Variants in MED12L observed in about 807,000 individuals in gnomAD.
MED12L encodes the protein mediator of RNA polymerase II transcription subunit 12-like protein.
MED12L carries 60 observed loss-of-function variants against 281.3 expected under a neutral mutation model. The ratio of observed to expected loss-of-function variants is 0.21; its 90% CI spans 0.17 to 0.26. The LOEUF is 0.26. Ranked by LOEUF, MED12L falls within the 10% of genes least tolerant of loss-of-function variation. The pLI, the probability that MED12L is intolerant of heterozygous loss-of-function variation, is 1.00. For missense variants in MED12L, 2,146 were observed against 2,680.9 expected (o/e 0.80, Z 4.41); for synonymous variants, 974 against 987.2 (o/e 0.99, Z 0.25).
intron 27 of MED12L, among the ~76,000 whole-genome samples, chr3:151,374,958 A>T (rs1756649500): frequency 6.6e-6 from 1 of 152,202 alleles, no homozygotes; most frequent in Non-Finnish European, 1.5e-5. Flanking sequence ...CATACCTTAT[A>T]TATTATTTTG....
At chr3:151,128,862 G>T (rs774705340) in intron 5 of MED12L, among the ~76,000 whole-genome samples, 13 of 152,172 alleles carry the variant, frequency 8.5e-5, no homozygotes, top group Non-Finnish European at 1.8e-4. Flanking sequence ...GGCCCATAAG[G>T]GCAGGAATGT....
intron 19 of MED12L, among the ~76,000 whole-genome samples, chr3:151,356,338 G>GTTGTATGAT (rs1290707950): frequency 3.3e-5 from 5 of 152,030 alleles, no homozygotes; most frequent in Non-Finnish European, 7.4e-5. Flanking sequence ...GATGCAATAA[G>GTTGTATGAT]CCATGATCAT....
intron 5 of MED12L, among the ~76,000 whole-genome samples, chr3:151,139,825 T>C (rs1716671305): frequency 6.6e-6 from 1 of 151,650 alleles, no homozygotes; most frequent in Non-Finnish European, 1.5e-5. Flanking sequence ...TTGAGGAGTT[T>C]ATGGACAATA....
At position 151,127,070 on chromosome 3, in the gene MED12L, T is replaced by G. The variant is rs1448448828; in HGVS notation, c.397-755T>G. 2.0e-5 allele frequency among the ~76,000 whole-genome samples: 3 copies of G among 152,316 alleles called. No homozygotes were observed. In the East Asian group the frequency reaches 5.8e-4, roughly 29 times the overall value. On this transcript the variant is annotated intron_variant, in intron 4 of 44. Transcript: ENST00000687756. Reference sequence around the variant, plus strand: ...TATTCATAAACTTGAATAGATGATATAGATGAATGGGCTATTCTTAGGATA... The same window carrying G: ...TATTCATAAACTTGAATAGATGATAGAGATGAATGGGCTATTCTTAGGATA...
chr3:151,345,040 C>T (rs968954241), intron 16 of MED12L, among the ~76,000 whole-genome samples: 13 of 152,178 alleles, frequency 8.5e-5, no homozygotes, highest in African/African-American at 2.7e-4. Flanking sequence ...TATTTTAATT[C>T]GTGTAGTACA....
chr3:151,231,160 A>G (rs1418211409), intron 16 of MED12L, among the ~76,000 whole-genome samples: 1 of 152,228 alleles, frequency 6.6e-6, no homozygotes. Context: ...ACAAAAAGGT[A>G]GGATGCAAAT....
chr3:151,241,054 C>A (rs567937318), intron 16 of MED12L, among the ~76,000 whole-genome samples: 1 of 152,082 alleles, frequency 6.6e-6, no homozygotes, highest in African/African-American at 2.4e-5. Flanking sequence ...GCTTTAAAAA[C>A]GGGGGACTAT....
intron 2 of MED12L, among the ~76,000 whole-genome samples, chr3:151,110,807 G>C (rs1711759777): frequency 4.6e-5 from 7 of 152,166 alleles, no homozygotes; most frequent in Admixed American, 4.6e-4. Context: ...TACAGTGAGA[G>C]AAGGAAGGGG....
intron 42 of MED12L, 146 bp from the exon 43 acceptor site, chr3:151,416,166 T>G (rs1717524609): frequency 6.8e-7 from 1 of 1,462,850 alleles, no homozygotes. Flanking sequence ...ACGAATGAGG[T>G]TCAGCAAGGT....
Position 151,368,172 on chromosome 3 carries a change from G to A in MED12L, c.3471G>A (p.Glu1157=). 1.2e-6 allele frequency: 2 copies of A among 1,614,082 alleles called. No individual in the cohort carries two copies. Among genetic ancestry groups the A allele is most frequent in the Non-Finnish European group, 1.7e-6 (2 of 1,179,970 alleles). The change falls in exon 25 of 45, where the codon GAG becomes GAA. Residue 1157 remains glutamate (E), a synonymous_variant. Coordinates refer to ENST00000687756, the MANE Select transcript of MED12L (RefSeq NM_001393769.1). The part of the protein sequence containing the change: ...LAAACGDADA[E]PGARMTCRLL... Reference sequence around the variant, plus strand: ...TAGCTTGTGGGGATGCGGACGCCGAGCCTGGGGCGAGAATGACATGCCGAC... The same window carrying A: ...TAGCTTGTGGGGATGCGGACGCCGAACCTGGGGCGAGAATGACATGCCGAC...
chr3:151,336,735 CAT>C, intron 16 of MED12L: 1 of 327,158 alleles, frequency 3.1e-6, no homozygotes, highest in Non-Finnish European at 6.0e-6. Flanking sequence ...TGCACAATAA[CAT>C]GTAATAAAGG....
chr3:151,315,694 T>A (rs905159051), intron 16 of MED12L, among the ~76,000 whole-genome samples: 2 of 152,124 alleles, frequency 1.3e-5, no homozygotes, highest in Non-Finnish European at 2.9e-5. Flanking sequence ...GGTGTCTGGC[T>A]TTTTTCCCCC....
At chr3:151,148,334 A>G (rs1718007213) in intron 5 of MED12L, among the ~76,000 whole-genome samples, 1 of 152,258 alleles carries the variant, frequency 6.6e-6, no homozygotes, top group African/African-American at 2.4e-5. Flanking sequence ...TTTGATCAAA[A>G]AAGTATTTTA....
intron 16 of MED12L, among the ~76,000 whole-genome samples, chr3:151,223,187 A>C (rs1320177917): frequency 6.6e-6 from 1 of 151,104 alleles, no homozygotes; most frequent in African/African-American, 2.4e-5. Context: ...AAAAAAAAAA[A>C]AAACTAGATG....
intron 5 of MED12L, among the ~76,000 whole-genome samples, chr3:151,133,112 C>G (rs1334537302): frequency 6.6e-6 from 1 of 152,148 alleles, no homozygotes; most frequent in Non-Finnish European, 1.5e-5. Context: ...TTATGACTTC[C>G]GTTGTCTTGA....
At chr3:151,195,354 C>CT (rs529436169) in intron 16 of MED12L, among the ~76,000 whole-genome samples, 3,442 of 152,066 alleles carry the variant, frequency 0.023, 81 homozygotes, top group Non-Finnish European at 0.035. Flanking sequence ...TTAAAAGTCT[C>CT]TTTTTTTGTA....
At chr3:151,198,713 A>G in intron 16 of MED12L, 1 of 1,613,806 alleles carries the variant, frequency 6.2e-7, no homozygotes, top group Non-Finnish European at 8.5e-7. Context: ...CACTAAAAGT[A>G]TGTTGATGAG....
Position 151,433,051 on chromosome 3 carries a change from A to C in MED12L, c.*247A>C, listed in dbSNP as rs995400189. On this transcript the variant is annotated 3_prime_UTR_variant, in exon 45 of 45. Transcript: ENST00000687756. ...AAATGTGAATCATGCAGGCAGGCCT[A>C]CTCCCGGAAGAGTGTGCTAGCAGAC... The C allele has an allele frequency of 4.6e-6, 2 of 436,926 alleles. No homozygotes were observed. Among genetic ancestry groups the C allele is most frequent in the African/African-American group, 4.0e-5 (2 of 49,806 alleles). 27.1% of individuals were successfully genotyped at this position (436,926 alleles called of 1,614,324 possible). A position where few individuals can be genotyped will look rare whatever the true frequency, so the allele number is the denominator to read the frequency against.
At chr3:151,280,048 CATG>C (rs1742568018) in intron 16 of MED12L, among the ~76,000 whole-genome samples, 1 of 152,106 alleles carries the variant, frequency 6.6e-6, no homozygotes, top group Non-Finnish European at 1.5e-5. Context: ...CTGGGGAGAA[CATG>C]ATAATTTCTT....
Sources: allele counts gnomAD v4.1 joint callset (sites outside exome capture counted in the v4.1 genomes callset), GRCh38; gene constraint gnomAD v4.1.1; transcripts MANE v1.5; gene names NCBI Gene and HGNC (gene_info 2026-07-23, HGNC 2026-07-21).